Variants in PAH observed in about 807,000 individuals in gnomAD.
The protein encoded by PAH is phenylalanine hydroxylase.
Under a neutral mutation model 62.0 loss-of-function variants are expected in PAH, and 64 were observed. The observed-to-expected ratio is 1.03, with a 90% CI of 0.84 to 1.27. The LOEUF is 1.27. PAH is among the 50% of genes most tolerant of loss of function. The pLI is 0.00. For missense variants in PAH, 579 were observed against 542.8 expected (o/e 1.07, Z -0.66); for synonymous variants, 195 against 196.2 (o/e 0.99, Z 0.05).
chr12:102,843,844 C>G lies in PAH; in HGVS notation c.1066-65G>C, dbSNP rs573675426. ...CAGGATCAGTATTCCCTGCTGCATC[C>G]CATAGGCCATTTGTGCCCCTTCTCT... On this transcript the variant is annotated intron_variant, in intron 10 of 12. Coordinates refer to ENST00000553106, the MANE Select transcript of PAH (RefSeq NM_000277.3). The G allele has an allele frequency of 1.1e-5, 17 of 1,549,122 alleles. No individual in the cohort carries two copies. The South Asian group carries it at 1.6e-4, about 14-fold the overall frequency.
chr12:102,896,913 G>A (rs1011666711), intron 2 of PAH, among the ~76,000 whole-genome samples: 5 of 152,128 alleles, frequency 3.3e-5, no homozygotes, highest in African/African-American at 4.8e-5. Context: ...TTAGCCATTC[G>A]TACCCTCATC....
At chr12:102,947,482 T>C (rs116379124) in intron 1 of PAH, among the ~76,000 whole-genome samples, 8 of 152,030 alleles carry the variant, frequency 5.3e-5, no homozygotes, top group African/African-American at 1.9e-4. Context: ...AATTTGAGAG[T>C]CATCAGCAGA....
intron 2 of PAH, among the ~76,000 whole-genome samples, chr12:102,909,597 A>G (rs1878122786): frequency 6.6e-6 from 1 of 152,206 alleles, no homozygotes; most frequent in African/African-American, 2.4e-5. Flanking sequence ...TCTAAATAGG[A>G]GATCTATCTT....
chr12:102,927,369 G>A (rs1324613269), intron 1 of PAH, among the ~76,000 whole-genome samples: 2 of 147,328 alleles, frequency 1.4e-5, no homozygotes, highest in Non-Finnish European at 1.5e-5. Flanking sequence ...AGTTTTCTCT[G>A]CAAACTCACA....
At chr12:102,942,178 T>C (rs923853874) in intron 1 of PAH, among the ~76,000 whole-genome samples, 3 of 152,142 alleles carry the variant, frequency 2.0e-5, no homozygotes, top group Admixed American at 6.5e-5. Context: ...CCCCATTGTG[T>C]CTGCTCTAAG....
chr12:102,958,203 C>A, exon 1 of PAH: 1 of 1,421,254 alleles, frequency 7.0e-7, no homozygotes, highest in Non-Finnish European at 9.2e-7. Flanking sequence ...ACCTCGCGTC[C>A]CGGATCGCTC....
intron 4 of PAH, among the ~76,000 whole-genome samples, chr12:102,870,283 G>A (rs1373113902): frequency 1.3e-5 from 2 of 152,310 alleles, no homozygotes; most frequent in South Asian, 2.1e-4. Context: ...TTAGGCTAGT[G>A]AGAACACAGG....
In PAH at chr12:102,844,375, T is replaced by G. The variant is rs766756246; in HGVS notation, c.1026A>C (p.Ala342=). The G allele has an allele frequency of 6.2e-7, 1 of 1,613,878 alleles. No homozygotes were observed. Among genetic ancestry groups the G allele is most frequent in the East Asian group, 2.2e-5 (1 of 44,882 alleles). Residue 342 remains alanine, a synonymous_variant, in exon 10 of 13, where the codon GCA becomes GCC. Transcript: ENST00000553106. ...GLCKQGDSIK[A]YGAGLLSSFG... ...AGGATGACAGGAGCCCAGCACCATA[T>G]GCCTTTATGGAGTCTCCTTGTTTGC...
At chr12:102,871,959 T>A (rs1489395067) in intron 4 of PAH, among the ~76,000 whole-genome samples, 19 of 33,658 alleles carry the variant, frequency 5.6e-4, no homozygotes, top group East Asian at 1.5e-3. Flanking sequence ...AATATATATA[T>A]ATATATATAT....
At chr12:102,899,858 CAAAAAAA>C (rs1166069532) in intron 2 of PAH, among the ~76,000 whole-genome samples, 281 of 9,490 alleles carry the variant, frequency 0.03, 1 homozygote, top group African/African-American at 0.086. Context: ...GACTCCGTCT[CAAAAAAA>C]AAAAAAAAAA....
At chr12:102,956,991 G>C (rs1378631532) in intron 1 of PAH, among the ~76,000 whole-genome samples, 1 of 152,184 alleles carries the variant, frequency 6.6e-6, no homozygotes, top group African/African-American at 2.4e-5. Flanking sequence ...TTGAGAGGAC[G>C]CCTTGGGACT....
At chr12:102,938,794 C>A (rs139610090) in intron 1 of PAH, among the ~76,000 whole-genome samples, 2 of 152,162 alleles carry the variant, frequency 1.3e-5, no homozygotes, top group Non-Finnish European at 2.9e-5. Context: ...AGATGCCATA[C>A]AGAAAAGGAG....
intron 1 of PAH, among the ~76,000 whole-genome samples, chr12:102,938,951 C>A (rs71466250): frequency 1.3e-5 from 2 of 152,084 alleles, no homozygotes; most frequent in Non-Finnish European, 2.9e-5. Context: ...AAACAACTAA[C>A]GGGCTCTCTG....
intron 4 of PAH, among the ~76,000 whole-genome samples, chr12:102,867,893 A>ATAGATGTATATATACATGTATATACATC (rs1876057076): frequency 1.4e-5 from 2 of 142,606 alleles, no homozygotes; most frequent in African/African-American, 5.4e-5. Flanking sequence ...GTATATACAT[A>ATAGATGTATATATACATGTATATACATC]TATAGATGTA....
rs62517195 is a variant in PAH, at chr12:102,877,556, A to T, written c.353-6T>A. ...GGTTCTTGGGAACCAGGGCACTGAA[A>T]CACAGAGAAGGCAACGTCCTGAGTA... On this transcript the variant is annotated splice_polypyrimidine_tract_variant and splice_region_variant and intron_variant, in intron 3 of 12. Coordinates refer to ENST00000553106, the MANE Select transcript of PAH (RefSeq NM_000277.3). 1 of 1,611,948 alleles carries T rather than the reference A, an allele frequency of 6.2e-7. No homozygotes were observed. Among genetic ancestry groups the T allele is most frequent in the Non-Finnish European group, 8.5e-7 (1 of 1,178,022 alleles).
chr12:102,856,147 A>G (rs1226743945), intron 5 of PAH, among the ~76,000 whole-genome samples: 1 of 151,030 alleles, frequency 6.6e-6, no homozygotes, highest in African/African-American at 2.5e-5. Flanking sequence ...ATAAATATAT[A>G]AATCCATGCT....
upstream of PAH, chr12:102,953,953 G>A (rs1438467617): frequency 6.6e-6 from 1 of 152,260 alleles, no homozygotes; most frequent in Non-Finnish European, 1.5e-5. Context: ...GGCAAAGGGA[G>A]TACTACCACC....
At position 102,836,901 on chromosome 12, in the gene PAH, G is replaced by A. The variant is rs879791973; in HGVS notation, c.*2274C>T. Reference sequence around the variant, plus strand: ...AAGTCAAGGTTTCTGTTTTTATAAAGCTGACATTTTATTGGTGGATTTTTT... The same window carrying A: ...AAGTCAAGGTTTCTGTTTTTATAAAACTGACATTTTATTGGTGGATTTTTT... On this transcript the variant is annotated 3_prime_UTR_variant, in exon 13 of 13. Transcript: ENST00000553106. 5 of 152,140 alleles carry A rather than the reference G, an allele frequency of 3.3e-5. No individual in the cohort carries two copies. The highest frequency in any genetic ancestry group is 6.5e-5 in the Admixed American group (1 of 15,276). The allele number at this position is 152,140 out of a possible 1,614,324, so 9.4% of individuals were successfully genotyped here.
chr12:102,955,530 A>G (rs1305554074), upstream of PAH, among the ~76,000 whole-genome samples: 1 of 152,150 alleles, frequency 6.6e-6, no homozygotes, highest in Non-Finnish European at 1.5e-5. Context: ...CACATTTGCG[A>G]CACTCCCTCC....
Sources: gnomAD v4.1 joint callset for allele counts (sites outside exome capture counted in the v4.1 genomes callset) on GRCh38, gnomAD v4.1.1 for gene constraint, MANE v1.5 for transcripts, NCBI Gene and HGNC (gene_info 2026-07-23, HGNC 2026-07-21) for gene names.